SLC35F4: variants seen among roughly 807,000 people sequenced by gnomAD.
SLC35F4 encodes chromosome 14 open reading frame 36.
SLC35F4 carries 24 observed loss-of-function variants against 44.2 expected under a neutral mutation model. The ratio of observed to expected loss-of-function variants is 0.54; its 90% CI spans 0.39 to 0.76. The LOEUF is 0.76. Among genes scored for constraint, SLC35F4 ranks in the 30% least tolerant of loss-of-function variants. The pLI, the probability that SLC35F4 is intolerant of heterozygous loss-of-function variation, is 0.00. For synonymous variants in SLC35F4, 238 were observed against 223.6 expected (o/e 1.06, Z -0.57); for missense variants, 562 against 586.1 (o/e 0.96, Z 0.42).
intron 1 of SLC35F4, among the ~76,000 whole-genome samples, chr14:57,780,843 GA>G (rs1460540204): frequency 3.3e-5 from 5 of 151,544 alleles, no homozygotes; most frequent in African/African-American, 1.2e-4. Context: ...TGTCAAAGCT[GA>G]AAAAAACAAG....
chr14:57,940,819 C>T (rs1889903235), intron 1 of SLC35F4, among the ~76,000 whole-genome samples: 1 of 152,162 alleles, frequency 6.6e-6, no homozygotes. Context: ...TCAAAATGTG[C>T]TAGTTCTATG....
intron 1 of SLC35F4, among the ~76,000 whole-genome samples, chr14:57,827,316 G>C (rs1218285051): frequency 6.6e-6 from 1 of 151,848 alleles, no homozygotes; most frequent in Non-Finnish European, 1.5e-5. Flanking sequence ...GATGAGAACA[G>C]GGAGGGGAAC....
chr14:57,577,503 A>G (rs924301424), intron 4 of SLC35F4, among the ~76,000 whole-genome samples: 2 of 152,168 alleles, frequency 1.3e-5, no homozygotes, highest in Admixed American at 1.3e-4. Flanking sequence ...AAAATATAAG[A>G]AAAATTTGAA....
chr14:57,691,901 G>A (rs576970765), intron 1 of SLC35F4, among the ~76,000 whole-genome samples: 23 of 152,316 alleles, frequency 1.5e-4, no homozygotes, highest in Admixed American at 1.3e-3. Context: ...TGCAGGATGT[G>A]ATAGAAGAGG....
At chr14:57,684,826 A>C (rs2140313948) in intron 1 of SLC35F4, among the ~76,000 whole-genome samples, 1 of 152,278 alleles carries the variant, frequency 6.6e-6, no homozygotes. Flanking sequence ...GTTCTGATGA[A>C]AACAATGTTC....
chr14:57,693,012 T>TA (rs1227190794), intron 1 of SLC35F4, among the ~76,000 whole-genome samples: 1 of 152,166 alleles, frequency 6.6e-6, no homozygotes, highest in Admixed American at 6.6e-5. Flanking sequence ...TGACAAAAAT[T>TA]AAAAAATCCC....
intron 1 of SLC35F4, among the ~76,000 whole-genome samples, chr14:57,792,642 T>C (rs920903935): frequency 2.6e-5 from 4 of 152,158 alleles, no homozygotes; most frequent in African/African-American, 4.8e-5. Flanking sequence ...CTGGATGGTG[T>C]TGGAGACCAT....
At chr14:57,691,961 G>C (rs552995708) in intron 1 of SLC35F4, among the ~76,000 whole-genome samples, 1 of 152,236 alleles carries the variant, frequency 6.6e-6, no homozygotes, top group African/African-American at 2.4e-5. Context: ...TGTGGAACAC[G>C]ATAGTGTGTG....
intron 1 of SLC35F4, among the ~76,000 whole-genome samples, chr14:57,681,687 A>G (rs2074908675): frequency 6.6e-6 from 1 of 151,924 alleles, no homozygotes; most frequent in Non-Finnish European, 1.5e-5. Context: ...TCTGTAGGAC[A>G]AAAGTATCAT....
At chr14:57,596,416 G>A (rs1422141384) in intron 1 of SLC35F4, 7 of 260,976 alleles carry the variant, frequency 2.7e-5, no homozygotes, top group South Asian at 2.1e-4. Context: ...CGATAAAAAC[G>A]GACTGTCTGA....
At chr14:57,685,782 T>A (rs529752157) in intron 1 of SLC35F4, among the ~76,000 whole-genome samples, 56 of 152,306 alleles carry the variant, frequency 3.7e-4, no homozygotes, top group African/African-American at 1.3e-3. Context: ...CTGTCTTTTG[T>A]ATTTATTTGT....
chr14:57,700,822 C>G (rs1198108863), intron 1 of SLC35F4, among the ~76,000 whole-genome samples: 2 of 152,048 alleles, frequency 1.3e-5, no homozygotes, highest in Non-Finnish European at 2.9e-5. Flanking sequence ...AGAGGATTAC[C>G]TGAGCCTAGG....
chr14:57,774,557 G>A (rs4901817), intron 1 of SLC35F4, among the ~76,000 whole-genome samples: 40,946 of 152,080 alleles, frequency 0.27, 5,950 homozygotes, highest in Admixed American at 0.39. Flanking sequence ...TGAACCCTGC[G>A]AGGTAGTCTT....
intron 1 of SLC35F4, among the ~76,000 whole-genome samples, chr14:57,964,991 A>AATATATATATAT (rs1212108605): frequency 8.6e-6 from 1 of 115,696 alleles, no homozygotes; most frequent in Admixed American, 8.5e-5. Flanking sequence ...AAAAAAAAAA[A>AATATATATATAT]ATATATATAT....
At chr14:57,714,788 G>C (rs1251755009) in intron 1 of SLC35F4, among the ~76,000 whole-genome samples, 1 of 135,146 alleles carries the variant, frequency 7.4e-6, no homozygotes, top group Non-Finnish European at 1.6e-5. Flanking sequence ...AGATGCACTG[G>C]GTTTGGTATA....
At chr14:57,776,497 T>C (rs959220202) in intron 1 of SLC35F4, among the ~76,000 whole-genome samples, 8 of 151,800 alleles carry the variant, frequency 5.3e-5, no homozygotes, top group Non-Finnish European at 2.9e-5. Context: ...AAACCCCTTC[T>C]CTACTAAAAA....
intron 1 of SLC35F4, among the ~76,000 whole-genome samples, chr14:57,893,549 T>C (rs908441583): frequency 7.2e-5 from 11 of 152,190 alleles, no homozygotes; most frequent in East Asian, 1.9e-4. Flanking sequence ...CGAGAAACCA[T>C]TGTACTTATT....
chr14:57,568,367 A>C (rs1247980076), intron 6 of SLC35F4, among the ~76,000 whole-genome samples: 2 of 152,248 alleles, frequency 1.3e-5, no homozygotes, highest in Non-Finnish European at 2.9e-5. Context: ...TCACATGTGC[A>C]ATGAGGAGGC....
intron 1 of SLC35F4, among the ~76,000 whole-genome samples, chr14:57,685,498 C>T (rs1019114195): frequency 6.6e-6 from 1 of 152,128 alleles, no homozygotes; most frequent in South Asian, 2.1e-4. Context: ...AGGTGATATT[C>T]CCCAAGAGGC....
Sources: gnomAD v4.1 joint callset for allele counts (sites outside exome capture counted in the v4.1 genomes callset) on GRCh38, gnomAD v4.1.1 for gene constraint, MANE v1.5 for transcripts, NCBI Gene and HGNC (gene_info 2026-07-23, HGNC 2026-07-21) for gene names.